ZNF484: variants seen among roughly 807,000 people sequenced by gnomAD.
The protein encoded by ZNF484 is zinc finger protein 484.
Under a neutral mutation model 12.9 loss-of-function variants are expected in ZNF484, and 11 were observed. That is an observed-to-expected ratio of 0.85 (90% CI 0.54 to 1.41). ZNF484 has a LOEUF of 1.41. Among genes scored for constraint, ZNF484 ranks in the 40% most tolerant of loss-of-function variants. The pLI, the probability that ZNF484 is intolerant of heterozygous loss-of-function variation, is 0.00. For missense variants in ZNF484, 807 were observed against 1,007.7 expected (o/e 0.80, Z 2.70); for synonymous variants, 289 against 334.1 (o/e 0.86, Z 1.47).
chr9:92,846,301 T>A lies in ZNF484; in HGVS notation c.2486A>T (p.Glu829Val). 3 of 1,614,122 alleles carry A rather than the reference T, an allele frequency of 1.9e-6. No homozygotes were observed. The highest frequency in any genetic ancestry group is 1.7e-6 in the Non-Finnish European group (2 of 1,179,988). ...LSMPQKSDNG[E>V]VECSMPQLWC... ...TAATTGTGGCATGGAGCACTCTACT[T>A]CCCCATTGTCAGATTTCTGAGGCAT... Residue 829 changes from glutamate (E) to valine (V), a missense_variant, in exon 5 of 5, where the codon GAA becomes GTA. Glu to Val is a moderately radical substitution (Grantham distance 121). Transcript: ENST00000375495.
Position 92,848,168 on chromosome 9 carries a change from C to T in ZNF484, c.619G>A (p.Asp207Asn). 1 of 1,614,040 alleles carries T rather than the reference C, an allele frequency of 6.2e-7. No individual in the cohort carries two copies. Among genetic ancestry groups the T allele is most frequent in the South Asian group, 1.1e-5 (1 of 91,060 alleles). The change falls in exon 5 of 5, where the codon GAT becomes AAT. Residue 207 changes from aspartate (D) to asparagine (N), a missense_variant. Physicochemically the swap from Asp to Asn is conservative, Grantham distance 23. Coordinates refer to ENST00000375495, the MANE Select transcript of ZNF484 (RefSeq NM_031486.4). This position sits in a 1 kb window ranked among gnomAD's most constrained non-coding sequence, Gnocchi z 4.1. ...ATENSDKTIG[D>N]GDIFTHLNSH... ...TTCAAATGAGTGAAAATATCACCAT[C>T]TCCAATAGTCTTATCAGAATTTTCT... is the stretch of plus-strand genomic sequence containing the variant.
chr9:92,858,019 G>T (rs16908602), intron 2 of ZNF484, among the ~76,000 whole-genome samples: 1,769 of 152,178 alleles, frequency 0.012, 41 homozygotes, highest in African/African-American at 0.041. Flanking sequence ...AGCCTCCCAG[G>T]TATGAGCCCT....
chr9:92,860,633 C>CA (rs1856731456), intron 2 of ZNF484, among the ~76,000 whole-genome samples: 1 of 145,876 alleles, frequency 6.9e-6, no homozygotes, highest in Non-Finnish European at 1.5e-5. Flanking sequence ...CAAAACAAAA[C>CA]AAACAAAAAA....
At chr9:92,875,289 T>C (rs1857727227) in intron 1 of ZNF484, among the ~76,000 whole-genome samples, 1 of 152,228 alleles carries the variant, frequency 6.6e-6, no homozygotes, top group Non-Finnish European at 1.5e-5. Flanking sequence ...TATTCAATAA[T>C]TGTGGATTGC....
intron 4 of ZNF484, among the ~76,000 whole-genome samples, chr9:92,854,025 A>C (rs570050432): frequency 2.0e-5 from 3 of 152,024 alleles, no homozygotes; most frequent in African/African-American, 7.2e-5. Context: ...TGGGCTAACT[A>C]TTCCCTTATG....
rs1479185546 is a variant in ZNF484 at position 92,846,412 on chromosome 9, A to G, written c.2375T>C (p.Ile792Thr). 4 of 1,614,008 alleles carry G rather than the reference A, an allele frequency of 2.5e-6. No individual in the cohort carries two copies. Among genetic ancestry groups the G allele is most frequent in the African/African-American group, 2.7e-5 (2 of 74,910 alleles). The change falls in exon 5 of 5, where the codon ATT becomes ACT. Residue 792 changes from isoleucine to threonine, a missense_variant. Ile to Thr is a moderately conservative substitution (Grantham distance 89, BLOSUM62 -1). Transcript: ENST00000375495. ...GKAFTIRSNL[I>T]KHQKIHTKQK... ...TTTAGTATGAATTTTCTGGTGTTTA[A>G]TAAGATTTGATCTGATGGTGAAGGC...
chr9:92,862,122 T>G (rs1271436037), intron 2 of ZNF484: 1 of 971,128 alleles, frequency 1.0e-6, no homozygotes, highest in African/African-American at 1.8e-5. Context: ...TCTCTTAAAC[T>G]TAATTCTGAG....
chr9:92,858,549 C>T (rs934238229), intron 2 of ZNF484, among the ~76,000 whole-genome samples: 5 of 151,950 alleles, frequency 3.3e-5, no homozygotes, highest in Admixed American at 1.3e-4. Flanking sequence ...ATTGACTATG[C>T]AAAACAGTAA....
rs559018595 is a variant in ZNF484 at position 92,856,858 on chromosome 9, A to G, written c.16-540T>C. On this transcript the variant is annotated intron_variant, in intron 2 of 4. Coordinates refer to ENST00000375495, the MANE Select transcript of ZNF484 (RefSeq NM_031486.4). ...TGCCTCAGCCTCCTGAGTAGCTGGG[A>G]CTACAGGCGCCCGCCACCACGCCCA... 1.9e-3 allele frequency among the ~76,000 whole-genome samples: 284 copies of G among 152,278 alleles called. 1 individual carries two copies. The highest frequency in any genetic ancestry group is 6.8e-3 in the Middle Eastern group (2 of 294).
chr9:92,847,095 C>T lies in ZNF484; in HGVS notation c.1692G>A (p.Lys564=). 4 of 1,613,344 alleles carry T rather than the reference C, an allele frequency of 2.5e-6. No individual in the cohort carries two copies. In the African/African-American group the frequency reaches 5.4e-5, roughly 22 times the overall value. Residue 564 remains lysine (K), a synonymous_variant, in exon 5 of 5, where the codon AAG becomes AAA. Transcript: ENST00000375495. ...TTCTCTGGTGCATACTTAATGTTGA[C>T]TTCTGAATGAATGCTTTCCCACATT... The part of the protein sequence containing the change: ...CSECGKAFIQ[K]STLSMHQRIH...
intron 4 of ZNF484, among the ~76,000 whole-genome samples, chr9:92,850,620 G>A (rs1856011222): frequency 6.6e-6 from 1 of 152,088 alleles, no homozygotes; most frequent in African/African-American, 2.4e-5. Context: ...TATCACCCAG[G>A]CTGGAGTGGC....
chr9:92,872,104 G>A (rs1857468194), intron 2 of ZNF484, among the ~76,000 whole-genome samples: 1 of 152,040 alleles, frequency 6.6e-6, no homozygotes, highest in African/African-American at 2.4e-5. Context: ...GGTGGCACAT[G>A]CCTGTAATAC....
At chr9:92,853,895 A>G (rs918882435) in intron 4 of ZNF484, among the ~76,000 whole-genome samples, 3 of 152,130 alleles carry the variant, frequency 2.0e-5, no homozygotes, top group African/African-American at 4.8e-5. Context: ...AAGAGGGTGT[A>G]AAAAGATTTG....
chr9:92,877,602 T>G (rs1189888571), intron 1 of ZNF484, among the ~76,000 whole-genome samples: 1 of 152,006 alleles, frequency 6.6e-6, no homozygotes, highest in Non-Finnish European at 1.5e-5. Context: ...CTCAGATCCC[T>G]CCTTAGTTCC....
intron 2 of ZNF484, among the ~76,000 whole-genome samples, chr9:92,857,104 G>C (rs1856512045): frequency 6.6e-6 from 1 of 152,208 alleles, no homozygotes; most frequent in African/African-American, 2.4e-5. Flanking sequence ...TTCCAGATGA[G>C]ATGCAGTAGC....
Position 92,846,169 on chromosome 9 carries a change from TGTCTCC to T in ZNF484, c.*53_*58del. 1 of 1,530,922 alleles carries T rather than the reference TGTCTCC, an allele frequency of 6.5e-7. No homozygotes were observed. The highest frequency in any genetic ancestry group is 8.8e-7 in the Non-Finnish European group (1 of 1,136,082). 94.8% of individuals were successfully genotyped at this position (1,530,922 alleles called of 1,614,324 possible). ...TACATTGCTTAAACACTCTCAAAAGTGTCTCCCCATATGTGTAACTACACATCAGCT... is the reference window on the plus strand; with the variant it reads ...TACATTGCTTAAACACTCTCAAAAGTCCATATGTGTAACTACACATCAGCT... On this transcript the variant is annotated 3_prime_UTR_variant, in exon 5 of 5. Transcript: ENST00000375495.
chr9:92,872,540 CAGAG>C (rs1371412156), intron 2 of ZNF484, among the ~76,000 whole-genome samples: 3 of 146,748 alleles, frequency 2.0e-5, no homozygotes, highest in Admixed American at 6.8e-5. Flanking sequence ...AAAAGAGAGT[CAGAG>C]AAAGATGAGA....
intron 1 of ZNF484, among the ~76,000 whole-genome samples, chr9:92,875,359 G>C (rs557437837): frequency 3.3e-5 from 5 of 152,284 alleles, no homozygotes; most frequent in Non-Finnish European, 1.5e-5. Flanking sequence ...TATACTATCT[G>C]ATTTCACAGG....
At chr9:92,862,526 G>T (rs760732296) in intron 2 of ZNF484, among the ~76,000 whole-genome samples, 14 of 151,972 alleles carry the variant, frequency 9.2e-5, no homozygotes, top group Non-Finnish European at 1.9e-4. Flanking sequence ...TTTTAGAAGG[G>T]AGCAGCATGA....
Sources: allele counts gnomAD v4.1 joint callset (sites outside exome capture counted in the v4.1 genomes callset), GRCh38; gene constraint gnomAD v4.1.1; non-coding constraint Gnocchi (gnomAD v3.1); transcripts MANE v1.5; gene names NCBI Gene and HGNC (gene_info 2026-07-23, HGNC 2026-07-21).